Variants in AP3B1 observed in about 807,000 individuals in gnomAD.
The protein encoded by AP3B1 is adaptor related protein complex 3 subunit beta 1.
A neutral mutation model predicts 132.5 loss-of-function variants in AP3B1; 61 were observed. The observed-to-expected ratio is 0.46, with a 90% CI of 0.37 to 0.57. The LOEUF (loss-of-function observed/expected upper bound fraction) is 0.57, where lower values mean the gene tolerates loss of function less well. AP3B1 is among the 20% of genes least tolerant of loss of function. AP3B1 has a pLI of 0.00. For missense variants in AP3B1, 1,120 were observed against 1,289.4 expected, an observed-to-expected ratio of 0.87 and a Z score of 2.01; for synonymous variants, 388 against 438.3, an observed-to-expected ratio of 0.89 and a Z score of 1.43.
chr5:78,109,171 G>A (rs2112249652), intron 20 of AP3B1, among the ~76,000 whole-genome samples: 1 of 151,992 alleles, frequency 6.6e-6, no homozygotes, highest in Admixed American at 6.5e-5. Context: ...AAAATCTCAG[G>A]TTATTTTATA....
intron 3 of AP3B1, among the ~76,000 whole-genome samples, chr5:78,235,794 T>A (rs548541879): frequency 8.5e-5 from 13 of 152,344 alleles, no homozygotes; most frequent in Middle Eastern, 3.4e-3. Context: ...TACATCAAAC[T>A]TCATGAGTTA....
chr5:78,096,923 G>A (rs1453837683), intron 21 of AP3B1, among the ~76,000 whole-genome samples: 35 of 147,610 alleles, frequency 2.4e-4, no homozygotes, highest in Admixed American at 2.1e-3. Context: ...CGCCCTGTCC[G>A]GGAGGTGAGG....
intron 21 of AP3B1, among the ~76,000 whole-genome samples, chr5:78,091,276 A>AC (rs1337182415): frequency 2.3e-5 from 3 of 129,594 alleles, no homozygotes; most frequent in Non-Finnish European, 5.2e-5. Context: ...CATGTATTTG[A>AC]CAAAAAAAAA....
At chr5:78,096,996 T>C (rs4704478) in intron 21 of AP3B1, among the ~76,000 whole-genome samples, 20,682 of 96,526 alleles carry the variant, frequency 0.21, 2,095 homozygotes, top group Admixed American at 0.3. Flanking sequence ...CCAGCCGCCC[T>C]GTCCGGGAGG....
At chr5:78,171,950 G>A (rs942241829) in intron 11 of AP3B1, among the ~76,000 whole-genome samples, 1 of 152,128 alleles carries the variant, frequency 6.6e-6, no homozygotes, top group African/African-American at 2.4e-5. Context: ...TAGCATGAAG[G>A]GCTGTTGAAT....
chr5:78,175,684 G>A lies in AP3B1; in HGVS notation c.1109C>T (p.Pro370Leu). 1 of 1,613,178 alleles carries A rather than the reference G, an allele frequency of 6.2e-7. No homozygotes were observed. The highest frequency in any genetic ancestry group is 1.3e-5 in the African/African-American group (1 of 74,986). The change falls in exon 11 of 27, where the codon CCT (proline) becomes CTT (leucine). Residue 370 changes from proline (P) to leucine (L), a missense_variant. Transcript: ENST00000255194. Reference protein sequence around the residue: ...MSIQRKGMFEPYLKSFYVRST... With the variant: ...MSIQRKGMFELYLKSFYVRST... ...CCTAACATAGAAACTCTTCAGATAA[G>A]GTTCAAACATCCCCTGGATTACAAA...
intron 22 of AP3B1, among the ~76,000 whole-genome samples, chr5:78,069,908 G>A (rs141118533): frequency 0.06 from 9,083 of 152,172 alleles, 600 homozygotes; most frequent in African/African-American, 0.17. Flanking sequence ...CAGACACATA[G>A]ACCAATGGAA....
chr5:78,269,231 T>C (rs957648488), intron 1 of AP3B1, among the ~76,000 whole-genome samples: 1 of 152,206 alleles, frequency 6.6e-6, no homozygotes, highest in Non-Finnish European at 1.5e-5. Flanking sequence ...AATATATTCA[T>C]TTTTAATTTA....
chr5:78,173,203 T>C (rs147488564), intron 11 of AP3B1, among the ~76,000 whole-genome samples: 15,567 of 152,174 alleles, frequency 0.1, 1,507 homozygotes, highest in African/African-American at 0.25. Flanking sequence ...AGAATAAGTG[T>C]GATGTGGTCC....
intron 20 of AP3B1, among the ~76,000 whole-genome samples, chr5:78,103,559 G>C (rs1454306626): frequency 6.6e-6 from 1 of 152,144 alleles, no homozygotes; most frequent in Admixed American, 6.6e-5. Flanking sequence ...CTTGAGAAGA[G>C]ATCAGGCAGA....
At chr5:78,106,462 A>AAAG (rs1751342288) in intron 20 of AP3B1, among the ~76,000 whole-genome samples, 1 of 151,150 alleles carries the variant, frequency 6.6e-6, no homozygotes, top group African/African-American at 2.4e-5. Flanking sequence ...TGTCTCAAAA[A>AAAG]AAAGAAAGAA....
chr5:78,150,744 T>G (rs1371326954), intron 14 of AP3B1, among the ~76,000 whole-genome samples: 1 of 151,970 alleles, frequency 6.6e-6, no homozygotes, highest in Non-Finnish European at 1.5e-5. Flanking sequence ...AGTGATGGAG[T>G]TGGAACTAAT....
At chr5:78,175,218 G>A (rs1310351706) in intron 11 of AP3B1, among the ~76,000 whole-genome samples, 1 of 152,168 alleles carries the variant, frequency 6.6e-6, no homozygotes, top group Non-Finnish European at 1.5e-5. Context: ...CACCCTCTGG[G>A]GCTGCACCCA....
intron 7 of AP3B1, among the ~76,000 whole-genome samples, chr5:78,201,762 A>T (rs1431885228): frequency 6.6e-6 from 1 of 152,210 alleles, no homozygotes; most frequent in East Asian, 1.9e-4. Context: ...ACAGAGAGAC[A>T]TCCAAGGAGA....
chr5:78,024,426 G>T (rs557458276), intron 24 of AP3B1, among the ~76,000 whole-genome samples: 1 of 152,116 alleles, frequency 6.6e-6, no homozygotes, highest in East Asian at 1.9e-4. Flanking sequence ...TCTCAGCTCT[G>T]TCACCCAGGC....
chr5:78,234,361 T>C (rs1746783561), intron 3 of AP3B1, among the ~76,000 whole-genome samples: 1 of 152,192 alleles, frequency 6.6e-6, no homozygotes, highest in South Asian at 2.1e-4. Context: ...ATTCAAACTA[T>C]ACTTAATGTT....
chr5:78,044,572 A>T (rs1748240655), intron 22 of AP3B1, among the ~76,000 whole-genome samples: 1 of 152,224 alleles, frequency 6.6e-6, no homozygotes, highest in Non-Finnish European at 1.5e-5. Flanking sequence ...AGGGAAGACT[A>T]TTTGAAAGTT....
chr5:78,205,759 A>G (rs969329337), intron 7 of AP3B1, among the ~76,000 whole-genome samples: 1 of 152,200 alleles, frequency 6.6e-6, no homozygotes, highest in African/African-American at 2.4e-5. Context: ...ACAGCATACT[A>G]TAAGCCCCAT....
chr5:78,250,771 C>T (rs1488971789), intron 2 of AP3B1, among the ~76,000 whole-genome samples: 3 of 151,728 alleles, frequency 2.0e-5, no homozygotes, highest in Non-Finnish European at 4.4e-5. Context: ...GGGGATGTGG[C>T]ATTTTTTTAA....
Sources: allele counts gnomAD v4.1 joint callset (sites outside exome capture counted in the v4.1 genomes callset), GRCh38; gene constraint gnomAD v4.1.1; transcripts MANE v1.5; gene names NCBI Gene and HGNC (gene_info 2026-07-23, HGNC 2026-07-21).